Variants in RFTN1 observed in about 807,000 individuals in gnomAD.
RFTN1 encodes raftlin.
RFTN1 carries 26 observed loss-of-function variants against 46.5 expected under a neutral mutation model. That is an observed-to-expected ratio of 0.56 (90% CI 0.41 to 0.78). The LOEUF (loss-of-function observed/expected upper bound fraction) is 0.78, where lower values mean the gene tolerates loss of function less well. RFTN1 is among the 30% of genes least tolerant of loss of function. The probability of loss-of-function intolerance (pLI) is 0.00; values close to 1 mark genes in which losing one functional copy is unlikely to be tolerated. For missense variants in RFTN1, 693 were observed against 718.7 expected (o/e 0.96, Z 0.41); for synonymous variants, 261 against 284.2 (o/e 0.92, Z 0.82).
In RFTN1 at chr3:16,406,192, C is replaced by A. The variant is rs138122973; in HGVS notation, c.441+3183G>T. Among the ~76,000 whole-genome samples the A allele has an allele frequency of 9.5e-3, 1,444 of 152,284 alleles. 12 individuals carry two copies. The highest frequency in any genetic ancestry group is 0.014 in the Non-Finnish European group (975 of 68,038). On this transcript the variant is annotated intron_variant, in intron 4 of 9. Coordinates refer to ENST00000334133, the MANE Select transcript of RFTN1 (RefSeq NM_015150.2). ...ACGTGGAATTGTCCTCTGCTCTTTG[C>A]ACACAGAGGTGGTATTTTCTTTAGA... is the stretch of plus-strand genomic sequence containing the variant.
chr3:16,393,047 T>G (rs978534252), intron 4 of RFTN1, among the ~76,000 whole-genome samples: 2 of 137,162 alleles, frequency 1.5e-5, no homozygotes, highest in African/African-American at 3.0e-5. Context: ...TGACCTATTC[T>G]GAGCTCAGCA....
At position 16,433,998 on chromosome 3, in the gene RFTN1, A is replaced by AG; in HGVS notation, c.184dup (p.Leu62ProfsTer3). On this transcript the variant is annotated frameshift_variant, in exon 3 of 10. Coordinates refer to ENST00000334133, the MANE Select transcript of RFTN1 (RefSeq NM_015150.2). LOFTEE classifies it high-confidence loss of function. This position sits in a 1 kb window ranked among gnomAD's most constrained non-coding sequence, Gnocchi z 4.4. ...CAGGAGCTGGGCGGGCAGGTCACGC[A>AG]GGGAGGCCAGCCTCACTGCTGAGGA... 1 of 1,612,096 alleles carries AG rather than the reference A, an allele frequency of 6.2e-7. No individual in the cohort carries two copies. Among genetic ancestry groups the AG allele is most frequent in the South Asian group, 1.1e-5 (1 of 90,870 alleles).
chr3:16,351,609 C>T lies in RFTN1; in HGVS notation c.1146+6323G>A, dbSNP rs13323248. Among the ~76,000 whole-genome samples the T allele has an allele frequency of 0.012, 1,853 of 152,280 alleles. 27 individuals are homozygous for T. The highest frequency in any genetic ancestry group is 0.042 in the African/African-American group (1,741 of 41,552). On this transcript the variant is annotated intron_variant, in intron 7 of 9. Transcript: ENST00000334133. The surrounding 1 kb of genome is among the most constrained non-coding windows in gnomAD (Gnocchi z 5.4). ...TCCACCCTGACAGAAGTCAAGTCCT[C>T]GCAGGTAGCAGCTGCTTTCTAGGAT...
In RFTN1 at chr3:16,513,288, C is replaced by T. The variant is rs536530032; in HGVS notation, c.-9+154G>A. The T allele has an allele frequency of 1.3e-5, 2 of 152,558 alleles. No individual in the cohort carries two copies. The highest frequency in any genetic ancestry group is 1.9e-4 in the East Asian group (1 of 5,188). The allele number at this position is 152,558 out of a possible 1,614,324, so 9.5% of individuals were successfully genotyped here. ...ATCCGACGCGGGCCAGGGGGTGCTGCTCTGGCAGCTCCGGAGCCCCGGCAA... is the reference window on the plus strand; with the variant it reads ...ATCCGACGCGGGCCAGGGGGTGCTGTTCTGGCAGCTCCGGAGCCCCGGCAA... On this transcript the variant is annotated intron_variant, in intron 1 of 9. Coordinates refer to ENST00000334133, the MANE Select transcript of RFTN1 (RefSeq NM_015150.2). This position sits in a 1 kb window ranked among gnomAD's most constrained non-coding sequence, Gnocchi z 5.4.
intron 7 of RFTN1, among the ~76,000 whole-genome samples, chr3:16,350,491 AC>A (rs2072025660): frequency 8.3e-6 from 1 of 121,180 alleles, no homozygotes; most frequent in South Asian, 2.6e-4. Context: ...GAGATGAATC[AC>A]TTTTTTTTTT....
Position 16,422,888 on chromosome 3 carries a change from T to G in RFTN1, c.332+10963A>C, listed in dbSNP as rs1049126873. ...AGAAAATAAAAGTTAGACTCCTGGC[T>G]GGGTGCAGTGGCTCACGCCTGTAAT... On this transcript the variant is annotated intron_variant, in intron 3 of 9. Coordinates refer to ENST00000334133, the MANE Select transcript of RFTN1 (RefSeq NM_015150.2). The surrounding 1 kb of genome is among the most constrained non-coding windows in gnomAD (Gnocchi z 4.6). 3.3e-5 allele frequency among the ~76,000 whole-genome samples: 5 copies of G among 151,818 alleles called. No individual in the cohort carries two copies. The highest frequency in any genetic ancestry group is 6.6e-5 in the Admixed American group (1 of 15,234).
At chr3:16,508,572 T>A (rs1575390951) in intron 1 of RFTN1, among the ~76,000 whole-genome samples, 2 of 152,210 alleles carry the variant, frequency 1.3e-5, no homozygotes, top group East Asian at 3.8e-4. Context: ...CAATTTTTTA[T>A]GAGAAAGTGT....
intron 4 of RFTN1, among the ~76,000 whole-genome samples, chr3:16,408,758 G>T (rs2074919418): frequency 6.8e-6 from 1 of 146,824 alleles, no homozygotes; most frequent in Non-Finnish European, 1.5e-5. Context: ...ATGGGGTGGG[G>T]GAATTGTCGA....
rs1465898226 is a variant in RFTN1, at chr3:16,509,139, T to C, written c.-9+4303A>G. Among the ~76,000 whole-genome samples the C allele has an allele frequency of 4.6e-5, 7 of 152,138 alleles. No individual in the cohort carries two copies. Among genetic ancestry groups the C allele is most frequent in the South Asian group, 4.2e-4 (2 of 4,818 alleles). On this transcript the variant is annotated intron_variant, in intron 1 of 9. Transcript: ENST00000334133. This position sits in a 1 kb window ranked among gnomAD's most constrained non-coding sequence, Gnocchi z 4.9. ...ATAATATTTTAAATTATCATCAAAA[T>C]TAGTATAAGCCCCTGGCTGTGCCAA...
intron 2 of RFTN1, among the ~76,000 whole-genome samples, chr3:16,469,537 T>A (rs902598136): frequency 2.6e-5 from 4 of 152,128 alleles, no homozygotes; most frequent in Admixed American, 6.5e-5. Flanking sequence ...CTTCCACAGA[T>A]GCCTGGTGCA....
intron 4 of RFTN1, among the ~76,000 whole-genome samples, chr3:16,390,112 A>C (rs540652825): frequency 6.6e-6 from 1 of 152,352 alleles, no homozygotes; most frequent in East Asian, 1.9e-4. Flanking sequence ...GCCTCTGCCA[A>C]GTACTGCCCA....
intron 2 of RFTN1, among the ~76,000 whole-genome samples, chr3:16,453,488 G>A (rs2075854000): frequency 6.6e-6 from 1 of 152,216 alleles, no homozygotes; most frequent in African/African-American, 2.4e-5. Context: ...ACAGTTGTGT[G>A]CCTCCAAGAT....
At chr3:16,508,002 C>T (rs1382076432) in intron 1 of RFTN1, among the ~76,000 whole-genome samples, 10 of 152,178 alleles carry the variant, frequency 6.6e-5, no homozygotes, top group Non-Finnish European at 1.0e-4. Context: ...CATCTGGCTT[C>T]CTGGTTGAAG....
chr3:16,323,716 G>A (rs483682), intron 8 of RFTN1, among the ~76,000 whole-genome samples: 49,804 of 152,134 alleles, frequency 0.33, 8,917 homozygotes, highest in East Asian at 0.44. Context: ...TTCCCTTAAT[G>A]GGAAGTAACA....
rs114114801 is a variant in RFTN1, at chr3:16,374,384, G to A, written c.826+3334C>T. Among the ~76,000 whole-genome samples the A allele has an allele frequency of 2.3e-3, 352 of 152,306 alleles. 1 individual carries two copies. The highest frequency in any genetic ancestry group is 8.1e-3 in the African/African-American group (336 of 41,562). On this transcript the variant is annotated intron_variant, in intron 5 of 9. Transcript: ENST00000334133. This position sits in a 1 kb window ranked among gnomAD's most constrained non-coding sequence, Gnocchi z 5.4. ...CTGAGTAAAAGGCCAGAAAGATGGC[G>A]GCAGGTGGCAGATCTGGGAGGGGGC...
chr3:16,511,034 T>C (rs2076892815), intron 1 of RFTN1, among the ~76,000 whole-genome samples: 1 of 152,220 alleles, frequency 6.6e-6, no homozygotes, highest in Non-Finnish European at 1.5e-5. Context: ...TTACACAATA[T>C]TGCAGAATTC....
rs61745975 is a variant in RFTN1, at chr3:16,370,161, G to A, written c.945C>T (p.Asp315=). 3.3e-4 allele frequency: 531 copies of A among 1,614,172 alleles called. 1 individual carries two copies. The African/African-American group carries it at 5.7e-3, about 17-fold the overall frequency. ...SKNGQTVSGL[D]ANWLEHMSDH... is the part of the protein sequence containing the mutation. ...CGCTCATGTGCTCTAACCAGTTGGCGTCCAAACCGCTCACTGTCTGGCCAT... is the reference window on the plus strand; with the variant it reads ...CGCTCATGTGCTCTAACCAGTTGGCATCCAAACCGCTCACTGTCTGGCCAT... The change falls in exon 6 of 10, where the codon GAC becomes GAT. Residue 315 remains aspartate, a synonymous_variant. Transcript: ENST00000334133. The surrounding 1 kb of genome is among the most constrained non-coding windows in gnomAD (Gnocchi z 5.5).
Position 16,402,630 on chromosome 3 carries a change from AAAT to A in RFTN1, c.441+6742_441+6744del, listed in dbSNP as rs1194475846. 8.5e-5 allele frequency among the ~76,000 whole-genome samples: 13 copies of A among 152,226 alleles called. No homozygotes were observed. The highest frequency in any genetic ancestry group is 3.1e-4 in the African/African-American group (13 of 41,462). On this transcript the variant is annotated intron_variant, in intron 4 of 9. Transcript: ENST00000334133. This position sits in a 1 kb window ranked among gnomAD's most constrained non-coding sequence, Gnocchi z 4.5. Reference sequence around the variant, plus strand: ...AATACTCAACAATCAGCCAGAAAGTAAATGATGAGTCATTTACATAACAGGCAA... The same window carrying A: ...AATACTCAACAATCAGCCAGAAAGTAGATGAGTCATTTACATAACAGGCAA...
chr3:16,365,420 T>C (rs2073098632), intron 6 of RFTN1, among the ~76,000 whole-genome samples: 1 of 152,244 alleles, frequency 6.6e-6, no homozygotes, highest in Non-Finnish European at 1.5e-5. Flanking sequence ...CGAGTATGTC[T>C]GTATAAAATA....
Sources: gnomAD v4.1 joint callset for allele counts (sites outside exome capture counted in the v4.1 genomes callset) on GRCh38, gnomAD v4.1.1 for gene constraint, Gnocchi (gnomAD v3.1) non-coding constraint, MANE v1.5 for transcripts, NCBI Gene and HGNC (gene_info 2026-07-23, HGNC 2026-07-21) for gene names.